MCM7: variants seen among roughly 807,000 people sequenced by gnomAD.
MCM7 encodes the protein DNA replication licensing factor MCM7.
MCM7 carries 95 observed loss-of-function variants against 83.5 expected under a neutral mutation model. The observed-to-expected ratio is 1.14, with a 90% confidence interval of 0.96 to 1.35. The LOEUF is 1.35. Among genes scored for constraint, MCM7 ranks in the 40% most tolerant of loss-of-function variants. The pLI, the probability that MCM7 is intolerant of heterozygous loss-of-function variation, is 0.00. For missense variants in MCM7, 1,087 were observed against 957.4 expected (o/e 1.14, Z -1.79); for synonymous variants, 461 against 352.7 (o/e 1.31, Z -3.44).
At position 100,097,367 on chromosome 7, in the gene MCM7, G is replaced by A. The variant is rs1367712455; in HGVS notation, c.1135C>T (p.Leu379=). The A allele has an allele frequency of 1.2e-6, 2 of 1,614,050 alleles. No homozygotes were observed. The highest frequency in any genetic ancestry group is 2.2e-5 in the East Asian group (1 of 44,892). ...TTGGCCACACCAGGATCCCCCATCA[G>A]ACAGATGTTGATGTTGCCTGGAGGA... ...MKIRGNINIC[L]MGDPGVAKSQ... is the part of the protein sequence containing the mutation. The change falls in exon 10 of 15, where the codon CTG becomes TTG. Residue 379 remains leucine (L), a synonymous_variant. Coordinates refer to ENST00000303887, the MANE Select transcript of MCM7 (RefSeq NM_005916.5).
intron 9 of MCM7, 76 bp downstream of exon 9, chr7:100,097,538 T>C: frequency 6.2e-7 from 1 of 1,606,118 alleles, no homozygotes; most frequent in African/African-American, 1.3e-5. Flanking sequence ...TACTGTGACC[T>C]ACAGGGACAC....
rs138501873 is a variant in MCM7, at chr7:100,098,702, G to A, written c.596C>T (p.Thr199Ile). 1.1e-4 allele frequency: 178 copies of A among 1,614,184 alleles called. No individual in the cohort carries two copies. The African/African-American group carries it at 1.9e-3, about 17-fold the overall frequency. ...AETYQPIQSP[T>I]FMPLIMCPSQ... ...TGGGCACATGATCAGAGGCATGAAA[G>A]TGGGAGACTGGATCTAGGATGTGAG... The change falls in exon 6 of 15, where the codon ACT (threonine) becomes ATT (isoleucine). Residue 199 changes from threonine to isoleucine, a missense_variant. Transcript: ENST00000303887.
At position 100,097,296 on chromosome 7, in the gene MCM7, C is replaced by T. The variant is rs1795691294; in HGVS notation, c.1201+5G>A. The T allele has an allele frequency of 2.5e-6, 4 of 1,613,942 alleles. No individual in the cohort carries two copies. The highest frequency in any genetic ancestry group is 3.4e-6 in the Non-Finnish European group (4 of 1,179,838). ...ATTCACCTCCCGCAAAGCCCAACTA[C>T]TTACTGCGAGGCGCCAGTCGATCAA... On this transcript the variant is annotated splice_donor_5th_base_variant and intron_variant, in intron 10 of 14. Coordinates refer to ENST00000303887, the MANE Select transcript of MCM7 (RefSeq NM_005916.5).
chr7:100,097,210 G>T, intron 10 of MCM7, 91 bp downstream of exon 10: 1 of 1,124,690 alleles, frequency 8.9e-7, no homozygotes, highest in Non-Finnish European at 1.3e-6. Context: ...TGGGATTACA[G>T]GCGTGAGCAA....
chr7:100,098,950 A>G (rs1432647380), intron 5 of MCM7, 73 bp downstream of exon 5: 5 of 1,582,844 alleles, frequency 3.2e-6, no homozygotes, highest in African/African-American at 2.7e-5. Context: ...AACAATAGGC[A>G]TCACAGGATC....
chr7:100,098,203 G>C lies in MCM7; in HGVS notation c.808C>G (p.His270Asp). ...AAGAAAATACCAGTGACGCTGACGTGGTCTCCAGGCTGGGCAATCCTTGTG... is the reference window on the plus strand; with the variant it reads ...AAGAAAATACCAGTGACGCTGACGTCGTCTCCAGGCTGGGCAATCCTTGTG... ...ENTRIAQPGD[H>D]VSVTGIFLPI... The change falls in exon 7 of 15, where the codon CAC becomes GAC. Residue 270 changes from histidine to aspartate, a missense_variant. Physicochemically the swap from His to Asp is moderately conservative, Grantham distance 81. Transcript: ENST00000303887. 3 of 1,614,044 alleles carry C rather than the reference G, an allele frequency of 1.9e-6. No homozygotes were observed. Among genetic ancestry groups the C allele is most frequent in the African/African-American group, 1.3e-5 (1 of 75,008 alleles).
At chr7:100,100,447 G>T in intron 1 of MCM7, 1 of 1,003,840 alleles carries the variant, frequency 1.0e-6, no homozygotes, top group South Asian at 4.0e-5. Flanking sequence ...GGTCCCCTTA[G>T]CCCCTGATTT....
chr7:100,099,456 G>C (rs1584495827), intron 3 of MCM7, 53 bp from the exon 4 acceptor site: 2 of 1,586,312 alleles, frequency 1.3e-6, no homozygotes, highest in African/African-American at 2.8e-5. Flanking sequence ...GATGGGGAAA[G>C]GAGAGCACAG....
At position 100,096,052 on chromosome 7, in the gene MCM7, C is replaced by T; in HGVS notation, c.1317G>A (p.Gln439=). The change falls in exon 11 of 15, where the codon CAG becomes CAA. Residue 439 remains glutamine (Q), a synonymous_variant. Transcript: ENST00000303887. ...CGAACTCATCAATGCAGCACACACCCTGGTCAGCCAGCACCAGGGCCCCAC... is the reference window on the plus strand; with the variant it reads ...CGAACTCATCAATGCAGCACACACCTTGGTCAGCCAGCACCAGGGCCCCAC... ...LEGGALVLAD[Q]GVCCIDEFDK... 6.2e-7 allele frequency: 1 copy of T among 1,614,116 alleles called. No individual in the cohort carries two copies. The highest frequency in any genetic ancestry group is 1.3e-5 in the African/African-American group (1 of 75,006).
chr7:100,094,548 C>T (rs554690419), intron 12 of MCM7, among the ~76,000 whole-genome samples: 1 of 152,314 alleles, frequency 6.6e-6, no homozygotes, highest in African/African-American at 2.4e-5. Flanking sequence ...CCACCAGTAT[C>T]CTCCAAGTTA....
chr7:100,098,386 G>T, intron 6 of MCM7, 96 bp from the exon 7 acceptor site: 1 of 1,522,978 alleles, frequency 6.6e-7, no homozygotes, highest in Non-Finnish European at 8.9e-7. Flanking sequence ...AGGCTACCCA[G>T]CCACAGACAA....
rs1182781570 is a variant in MCM7 at position 100,093,352 on chromosome 7, G to C, written c.1898C>G (p.Ala633Gly). The C allele has an allele frequency of 2.5e-6, 4 of 1,614,040 alleles. No individual in the cohort carries two copies. The African/African-American group carries it at 4.0e-5, about 16-fold the overall frequency. Residue 633 changes from alanine to glycine, a missense_variant, in exon 14 of 15, where the codon GCC (alanine) becomes GGC (glycine). Physicochemically the swap from Ala to Gly is moderately conservative, Grantham distance 60. Coordinates refer to ENST00000303887, the MANE Select transcript of MCM7 (RefSeq NM_005916.5). ...CTTTGACATCTCCATTAGCCTGATG[G>C]CTTCATTCACATCTTCTTTCTCCAC... ...DVVEKEDVNE[A>G]IRLMEMSKDS... is the part of the protein sequence containing the mutation.
intron 1 of MCM7, chr7:100,100,306 A>G (rs866328564): frequency 7.7e-7 from 1 of 1,299,310 alleles, no homozygotes; most frequent in South Asian, 1.7e-5. Flanking sequence ...AGGGCCATCC[A>G]ACATCTCCCC....
rs1584483197 is a variant in MCM7, at chr7:100,093,388, A to G, written c.1862T>C (p.Met621Thr). 1.2e-6 allele frequency: 2 copies of G among 1,614,070 alleles called. No homozygotes were observed. Among genetic ancestry groups the G allele is most frequent in the Non-Finnish European group, 1.7e-6 (2 of 1,179,976 alleles). The stretch of plus-strand genomic sequence containing the variant: ...ATCTTCTTTCTCCACCACATCCACC[A>G]TTCTCAGACGTGCCTAAGGGGAAGG... ...RLSTALARLR[M>T]VDVVEKEDVN... The change falls in exon 14 of 15, where the codon ATG becomes ACG. Residue 621 changes from methionine (M) to threonine (T), a missense_variant. Physicochemically the swap from Met to Thr is moderately conservative, Grantham distance 81 (BLOSUM62 -1). Transcript: ENST00000303887.
intron 1 of MCM7, chr7:100,100,749 C>A: frequency 1.0e-6 from 1 of 992,298 alleles, no homozygotes; most frequent in African/African-American, 1.7e-5. Context: ...ACACTGTTTA[C>A]ACGACACTCC....
chr7:100,094,130 T>G, intron 13 of MCM7, 43 bp downstream of exon 13: 1 of 1,612,878 alleles, frequency 6.2e-7, no homozygotes, highest in East Asian at 2.2e-5. Flanking sequence ...GCTACCCCTT[T>G]AAGGGTCAAA....
At chr7:100,096,395 G>C (rs1251699461) in intron 10 of MCM7, among the ~76,000 whole-genome samples, 1 of 152,128 alleles carries the variant, frequency 6.6e-6, no homozygotes, top group African/African-American at 2.4e-5. Flanking sequence ...CTTGGCTCCT[G>C]GGCTCAAGCC....
At chr7:100,093,716 G>A in intron 13 of MCM7, 1 of 662,062 alleles carries the variant, frequency 1.5e-6, no homozygotes, top group South Asian at 1.4e-5. Flanking sequence ...CAGCATGACA[G>A]ATGGAGCTTG....
chr7:100,097,313 G>A lies in MCM7; in HGVS notation c.1189C>T (p.Leu397=), dbSNP rs777286175. The A allele has an allele frequency of 6.2e-7, 1 of 1,614,138 alleles. No homozygotes were observed. The highest frequency in any genetic ancestry group is 1.7e-5 in the Admixed American group (1 of 60,014). The change falls in exon 10 of 15, where the codon CTG becomes TTG. Residue 397 remains leucine (L), a synonymous_variant. Transcript: ENST00000303887. ...CCCAACTACTTACTGCGAGGCGCCA[G>A]TCGATCAATGTATGACAGGAGCTGA... ...KSQLLSYIDR[L]APRSQYTTGR... is the part of the protein sequence containing the mutation.
Sources: gnomAD v4.1 joint callset for allele counts (sites outside exome capture counted in the v4.1 genomes callset) on GRCh38, gnomAD v4.1.1 for gene constraint, MANE v1.5 for transcripts, NCBI Gene and HGNC (gene_info 2026-07-23, HGNC 2026-07-21) for gene names.